The following SLC26A7 variants were observed in gnomAD, a reference collection of about 807,000 sequenced individuals.
SLC26A7 encodes the protein solute carrier family 26 member 7.
In SLC26A7, 59 loss-of-function variants were observed where a neutral mutation model predicts 82.5. That is an observed-to-expected ratio of 0.72 (90% CI 0.58 to 0.89). The LOEUF (loss-of-function observed/expected upper bound fraction) is 0.89, where lower values mean the gene tolerates loss of function less well. Ranked by LOEUF, SLC26A7 falls within the 40% of genes least tolerant of loss-of-function variation. The probability of loss-of-function intolerance (pLI) is 0.00; values close to 1 mark genes in which losing one functional copy is unlikely to be tolerated. For synonymous variants in SLC26A7, 271 were observed against 274.3 expected (o/e 0.99, Z 0.12); for missense variants, 820 against 793.0 (o/e 1.03, Z -0.41).
chr8:91,346,806 C>A (rs907419775), intron 9 of SLC26A7, among the ~76,000 whole-genome samples: 1 of 152,194 alleles, frequency 6.6e-6, no homozygotes, highest in Non-Finnish European at 1.5e-5. Context: ...CCACCTCATT[C>A]TCAGACCTAG....
intron 2 of SLC26A7, among the ~76,000 whole-genome samples, chr8:91,265,046 C>A (rs575135861): frequency 8.5e-5 from 13 of 152,176 alleles, no homozygotes; most frequent in Admixed American, 7.9e-4. Context: ...CCCTCTCCCC[C>A]ATCCCCTTCA....
chr8:91,244,588 C>T (rs549449202), upstream of SLC26A7, among the ~76,000 whole-genome samples: 8 of 151,874 alleles, frequency 5.3e-5, no homozygotes, highest in East Asian at 1.9e-4. Context: ...ACTGCAGCCC[C>T]GACCTCCTGA....
chr8:91,227,810 A>T (rs1278423368), intron 2 of SLC26A7, among the ~76,000 whole-genome samples: 1 of 152,204 alleles, frequency 6.6e-6, no homozygotes, highest in Non-Finnish European at 1.5e-5. Context: ...GAAGCTTCTT[A>T]CATCTCCAGA....
intron 2 of SLC26A7, among the ~76,000 whole-genome samples, chr8:91,229,316 TACTC>T (rs1472095738): frequency 6.6e-6 from 1 of 152,246 alleles, no homozygotes; most frequent in African/African-American, 2.4e-5. Context: ...ACTGTTTACT[TACTC>T]ATTTATTTAT....
rs548730054 is a variant in SLC26A7 at position 91,274,608 on chromosome 8, C to T, written c.194-14528C>T. On this transcript the variant is annotated intron_variant, in intron 2 of 18. Coordinates refer to ENST00000276609, the MANE Select transcript of SLC26A7 (RefSeq NM_052832.4). ...ATTCACAAGAGTGGAGCCCTCATAA[C>T]TTAATTCTTAAAGGTCTCACCTCTT... Among the ~76,000 whole-genome samples, 15 of 152,354 alleles carry T rather than the reference C, an allele frequency of 9.8e-5. No individual in the cohort carries two copies. The South Asian group carries it at 3.1e-3, about 32-fold the overall frequency.
intron 15 of SLC26A7, among the ~76,000 whole-genome samples, chr8:91,384,427 C>A (rs933829353): frequency 6.6e-6 from 1 of 152,142 alleles, no homozygotes; most frequent in Non-Finnish European, 1.5e-5. Flanking sequence ...TCTAGGATAA[C>A]CTGCCCATCT....
chr8:91,343,008 T>C (rs765063744), intron 8 of SLC26A7: 15 of 162,678 alleles, frequency 9.2e-5, no homozygotes, highest in Non-Finnish European at 1.7e-4. Context: ...AATGAATCAT[T>C]GGTTTAGCAT....
chr8:91,302,700 A>G (rs974463095), intron 4 of SLC26A7, among the ~76,000 whole-genome samples: 2 of 152,072 alleles, frequency 1.3e-5, no homozygotes, highest in Non-Finnish European at 2.9e-5. Flanking sequence ...TTTCTTGACC[A>G]TTGTAATCCC....
At chr8:91,339,983 C>G (rs1350918422) in intron 7 of SLC26A7, among the ~76,000 whole-genome samples, 1 of 152,110 alleles carries the variant, frequency 6.6e-6, no homozygotes, top group Non-Finnish European at 1.5e-5. Flanking sequence ...AGAATTGTAG[C>G]TCACAGTAAA....
At chr8:91,254,617 T>C (rs909418142) in intron 2 of SLC26A7, among the ~76,000 whole-genome samples, 1 of 152,100 alleles carries the variant, frequency 6.6e-6, no homozygotes, top group Non-Finnish European at 1.5e-5. Context: ...TTTATTAGAC[T>C]GCCAAAGGGG....
rs181278049 is a variant in SLC26A7, at chr8:91,211,509, G to A, written c.-150+1967G>A. 2.3e-4 allele frequency among the ~76,000 whole-genome samples: 35 copies of A among 150,446 alleles called. No individual in the cohort carries two copies. In the East Asian group the frequency reaches 4.9e-3, roughly 21 times the overall value. ...AGTGAAAACATGCACAGAATACTTG[G>A]GGATGATAATCAGATTAACCACACT... On this transcript the variant is annotated intron_variant, in intron 1 of 5. Coordinates refer to the SLC26A7 transcript ENST00000522862.
chr8:91,225,511 G>C (rs993400335), intron 2 of SLC26A7, among the ~76,000 whole-genome samples: 14 of 151,652 alleles, frequency 9.2e-5, no homozygotes, highest in African/African-American at 3.4e-4. Flanking sequence ...ATTTTGATGA[G>C]GGAACCTGGA....
At chr8:91,321,723 T>C (rs1174374616) in intron 5 of SLC26A7, among the ~76,000 whole-genome samples, 1 of 152,218 alleles carries the variant, frequency 6.6e-6, no homozygotes, top group Admixed American at 6.5e-5. Context: ...TACTTCTGAT[T>C]AAACTATCTT....
At chr8:91,368,806 A>C (rs1814272641) in intron 14 of SLC26A7, among the ~76,000 whole-genome samples, 1 of 152,232 alleles carries the variant, frequency 6.6e-6, no homozygotes, top group African/African-American at 2.4e-5. Flanking sequence ...AATCAGGCTA[A>C]CTTAATCATC....
At position 91,324,335 on chromosome 8, in the gene SLC26A7, G is replaced by A. The variant is rs1391424613; in HGVS notation, c.642+5955G>A. 2.0e-5 allele frequency among the ~76,000 whole-genome samples: 3 copies of A among 152,206 alleles called. No individual in the cohort carries two copies. The East Asian group carries it at 5.8e-4, about 29-fold the overall frequency. On this transcript the variant is annotated intron_variant, in intron 5 of 18. Transcript: ENST00000276609. ...ATCAGAGTTGGCTTTAGGTGTCCCT[G>A]AGCAGGAATTTAGATCTGCTTGGAG...
At chr8:91,247,605 T>C (rs1810563077), upstream of SLC26A7, among the ~76,000 whole-genome samples, 1 of 152,168 alleles carries the variant, frequency 6.6e-6, no homozygotes, top group South Asian at 2.1e-4. Context: ...AATTTTTAAA[T>C]TGAGAGATTT....
chr8:91,249,857 ATTT>A lies in SLC26A7; in HGVS notation c.193+14_193+16del, dbSNP rs768449441. 3 of 1,586,516 alleles carry A rather than the reference ATTT, an allele frequency of 1.9e-6. No individual in the cohort carries two copies. The highest frequency in any genetic ancestry group is 1.7e-6 in the Non-Finnish European group (2 of 1,168,854). On this transcript the variant is annotated intron_variant, in intron 2 of 18. Transcript: ENST00000276609. Reference sequence around the variant, plus strand: ...CAGGTGACCCAAGGTAATGTATTGCATTTGAGTTTCCTGTATTATGCAGAGTAG... The same window carrying A: ...CAGGTGACCCAAGGTAATGTATTGCAGAGTTTCCTGTATTATGCAGAGTAG...
At chr8:91,324,990 C>A (rs983021763) in intron 5 of SLC26A7, among the ~76,000 whole-genome samples, 2 of 152,182 alleles carry the variant, frequency 1.3e-5, no homozygotes, top group Admixed American at 1.3e-4. Context: ...TTCTAAGATT[C>A]TTTCCAGTGG....
chr8:91,349,458 C>A (rs1004264348), intron 9 of SLC26A7, among the ~76,000 whole-genome samples: 10 of 152,072 alleles, frequency 6.6e-5, no homozygotes, highest in African/African-American at 1.9e-4. Flanking sequence ...GAGAAAAGCC[C>A]AAATGTAGTT....
Sources: gnomAD v4.1 joint callset for allele counts (sites outside exome capture counted in the v4.1 genomes callset) on GRCh38, gnomAD v4.1.1 for gene constraint, MANE v1.5 for transcripts, NCBI Gene and HGNC (gene_info 2026-07-23, HGNC 2026-07-21) for gene names.